BAHCC1: variants seen among roughly 807,000 people sequenced by gnomAD.
The protein encoded by BAHCC1 is BAH domain and coiled-coil containing 1, also known as BAH and coiled-coil domain-containing protein 1.
BAHCC1 carries 43 observed loss-of-function variants against 88.2 expected under a neutral mutation model. The observed-to-expected ratio is 0.49, with a 90% CI of 0.38 to 0.63. BAHCC1 has a LOEUF of 0.63. BAHCC1 is among the 20% of genes least tolerant of loss of function. BAHCC1 has a pLI of 0.00. For synonymous variants in BAHCC1, 1,510 were observed against 745.5 expected (o/e 2.03, Z -16.71); for missense variants, 3,023 against 1,654.8 (o/e 1.83, Z -14.34).
At chr17:81,397,773 G>C (rs2063761547) in intron 1 of BAHCC1, among the ~76,000 whole-genome samples, 1 of 152,226 alleles carries the variant, frequency 6.6e-6, no homozygotes, top group Non-Finnish European at 1.5e-5. Context: ...CCCGGGGAGA[G>C]AGCTGGCGAT....
At position 81,445,524 on chromosome 17, in the gene BAHCC1, C is replaced by A. The variant is rs188311269; in HGVS notation, c.3006C>A (p.Pro1002=). 1 of 732,334 alleles carries A rather than the reference C, an allele frequency of 1.4e-6. No individual in the cohort carries two copies. Among genetic ancestry groups the A allele is most frequent in the Non-Finnish European group, 2.5e-6 (1 of 395,298 alleles). 45.4% of individuals were successfully genotyped at this position (732,334 alleles called of 1,614,324 possible). A position where few individuals can be genotyped will look rare whatever the true frequency, so the allele number is the denominator to read the frequency against. The change falls in exon 10 of 28, where the codon CCC becomes CCA. Residue 1002 remains proline (P), a synonymous_variant. Transcript: ENST00000675386. ...PCCHPPDPKP[P]ASSPTPPPRP... ...GCCATCCGCCCGACCCAAAGCCCCC[C>A]GCCAGCTCCCCCACCCCACCACCTC... is the stretch of plus-strand genomic sequence containing the variant.
intron 4 of BAHCC1, among the ~76,000 whole-genome samples, chr17:81,439,567 T>G (rs1598483672): frequency 4.5e-5 from 6 of 133,556 alleles, no homozygotes; most frequent in Non-Finnish European, 6.4e-5. Context: ...TGGGGAGGGG[T>G]GGACTGGGAG....
chr17:81,414,798 C>T (rs1033622899), intron 2 of BAHCC1, among the ~76,000 whole-genome samples: 1 of 152,062 alleles, frequency 6.6e-6, no homozygotes, highest in Non-Finnish European at 1.5e-5. Context: ...AGGCTGGGGG[C>T]GGAGGCGGCA....
chr17:81,461,377 G>C lies in BAHCC1; in HGVS notation c.6714G>C (p.Gly2238=). The C allele has an allele frequency of 1.4e-6, 1 of 721,820 alleles. No homozygotes were observed. Among genetic ancestry groups the C allele is most frequent in the African/African-American group, 1.7e-5 (1 of 58,212 alleles). The allele number at this position is 721,820 out of a possible 1,614,324, so 44.7% of individuals were successfully genotyped here. Residue 2238 remains glycine, a synonymous_variant, in exon 26 of 28, where the codon GGG becomes GGC. Transcript: ENST00000675386. ...ACAAGGACTTCAGCCCCAAGCTCGG[G>C]CGGCCCCTGCCCAGCCCCAGCTATG... ...MGDKDFSPKL[G]RPLPSPSYVH...
chr17:81,460,473 G>C lies in BAHCC1; in HGVS notation c.6026-57G>C, dbSNP rs1710031158. The C allele has an allele frequency of 1.7e-5, 12 of 726,114 alleles. No individual in the cohort carries two copies. The South Asian group carries it at 1.8e-4, about 11-fold the overall frequency. The allele number at this position is 726,114 out of a possible 1,614,324, so 45.0% of individuals were successfully genotyped here. ...CAGACGGGCTCCCAAGGAAGGGTTGGGGTGGCAGTCACCCCACAGCCATGG... is the reference window on the plus strand; with the variant it reads ...CAGACGGGCTCCCAAGGAAGGGTTGCGGTGGCAGTCACCCCACAGCCATGG... On this transcript the variant is annotated intron_variant, in intron 24 of 27. Coordinates refer to ENST00000675386, the MANE Select transcript of BAHCC1 (RefSeq NM_001377448.1).
At chr17:81,396,882 G>T (rs988818312) in intron 1 of BAHCC1, 34 of 152,776 alleles carry the variant, frequency 2.2e-4, no homozygotes, top group African/African-American at 8.2e-4. Context: ...GCCACTTTTC[G>T]CTCCATTTCC....
In BAHCC1 at chr17:81,442,499, C is replaced by T; in HGVS notation, c.1150C>T (p.Pro384Ser). The T allele has an allele frequency of 1.4e-6, 1 of 719,798 alleles. No homozygotes were observed. The highest frequency in any genetic ancestry group is 2.6e-6 in the Non-Finnish European group (1 of 389,068). The allele number at this position is 719,798 out of a possible 1,614,324, so 44.6% of individuals were successfully genotyped here. Residue 384 changes from proline (P) to serine (S), a missense_variant, in exon 5 of 28, where the codon CCC becomes TCC. Coordinates refer to ENST00000675386, the MANE Select transcript of BAHCC1 (RefSeq NM_001377448.1). ...GCTCTGCCCGCTGCAGGACAAAGCC[C>T]CCCGGGACCTAAAGGCCAGCGGGCC... Reference protein sequence around the residue: ...DGLCPLQDKAPRDLKASGPTF... With the variant: ...DGLCPLQDKASRDLKASGPTF...
chr17:81,413,214 GC>G (rs1219963252), intron 2 of BAHCC1: 219 of 298,356 alleles, frequency 7.3e-4, no homozygotes, highest in East Asian at 9.9e-4. Context: ...TGCTGACCAT[GC>G]CCCCCCCGGG....
rs1392407492 is a variant in BAHCC1, at chr17:81,465,880, G to C, written c.*2063G>C. The C allele has an allele frequency of 4.6e-5, 7 of 152,706 alleles. No individual in the cohort carries two copies. In the South Asian group the frequency reaches 1.4e-3, roughly 32 times the overall value. 9.5% of individuals were successfully genotyped at this position (152,706 alleles called of 1,614,324 possible). A position where few individuals can be genotyped will look rare whatever the true frequency, so the allele number is the denominator to read the frequency against. ...TTCATTCCCGGTGGTTGTCTGGGGA[G>C]GTGGTTGGACGAGGTCCTGCTTGAG... On this transcript the variant is annotated 3_prime_UTR_variant, in exon 28 of 28. Coordinates refer to ENST00000675386, the MANE Select transcript of BAHCC1 (RefSeq NM_001377448.1).
intron 2 of BAHCC1, among the ~76,000 whole-genome samples, chr17:81,414,406 G>C (rs1555648297): frequency 6.6e-6 from 1 of 152,164 alleles, no homozygotes; most frequent in South Asian, 2.1e-4. Flanking sequence ...GGCGGAGCTC[G>C]GGCTGTGGGG....
Position 81,442,219 on chromosome 17 carries a change from C to T in BAHCC1, c.870C>T (p.Leu290=), listed in dbSNP as rs1555652698. 2 of 647,176 alleles carry T rather than the reference C, an allele frequency of 3.1e-6. No individual in the cohort carries two copies. The highest frequency in any genetic ancestry group is 2.5e-4 in the Middle Eastern group (1 of 3,930). 40.1% of individuals were successfully genotyped at this position (647,176 alleles called of 1,614,324 possible). A position where few individuals can be genotyped will look rare whatever the true frequency, so the allele number is the denominator to read the frequency against. Residue 290 remains leucine, a synonymous_variant, in exon 5 of 28, where the codon CTC becomes CTT. Transcript: ENST00000675386. ...CCTGCCTCCTCAACACCAAGGTGCTCAACGGCGAGATGGGCAGGGCTGCGC... is the reference window on the plus strand; with the variant it reads ...CCTGCCTCCTCAACACCAAGGTGCTTAACGGCGAGATGGGCAGGGCTGCGC... ...LTSCLLNTKV[L]NGEMGRAALA... is the part of the protein sequence containing the mutation.
chr17:81,449,883 C>T (rs1251055651), intron 11 of BAHCC1, among the ~76,000 whole-genome samples: 6 of 152,174 alleles, frequency 3.9e-5, no homozygotes, highest in Admixed American at 6.5e-5. Context: ...CCCTGGCCCT[C>T]CCCATACTTG....
intron 11 of BAHCC1, 106 bp from the exon 12 acceptor site, chr17:81,451,562 G>A (rs1294931592): frequency 2.2e-5 from 14 of 624,840 alleles, no homozygotes; most frequent in Admixed American, 4.9e-5. Flanking sequence ...CCCTCATCCC[G>A]GTCTTCAAGG....
In BAHCC1 at chr17:81,446,897, TTGCAGACC is replaced by T. The variant is rs1359440964; in HGVS notation, c.3164-133_3164-126del. On this transcript the variant is annotated intron_variant, in intron 10 of 27. Transcript: ENST00000675386. ...CGTAACCCTTTCCCCGCCACCAGTC[TTGCAGACC>T]TGCAGCTAGCCCAGGGCCCTTCCGC... The T allele has an allele frequency of 2.8e-5, 19 of 673,792 alleles. No homozygotes were observed. The African/African-American group carries it at 3.2e-4, about 11-fold the overall frequency. The allele number at this position is 673,792 out of a possible 1,614,324, so 41.7% of individuals were successfully genotyped here.
At position 81,447,692 on chromosome 17, in the gene BAHCC1, C is replaced by T; in HGVS notation, c.3820C>T (p.Pro1274Ser). 1.4e-6 allele frequency: 1 copy of T among 736,232 alleles called. No homozygotes were observed. The highest frequency in any genetic ancestry group is 2.5e-6 in the Non-Finnish European group (1 of 396,300). 45.6% of individuals were successfully genotyped at this position (736,232 alleles called of 1,614,324 possible). A position where few individuals can be genotyped will look rare whatever the true frequency, so the allele number is the denominator to read the frequency against. The part of the protein sequence containing the change: ...VAATINLGDL[P>S]SDSPPDPQPP... ...CGCCACCATCAACCTGGGGGACCTG[C>T]CCAGCGACAGCCCACCGGACCCTCA... Residue 1274 changes from proline to serine, a missense_variant, in exon 11 of 28, where the codon CCC becomes TCC. Pro to Ser is a moderately conservative substitution (Grantham distance 74). Coordinates refer to ENST00000675386, the MANE Select transcript of BAHCC1 (RefSeq NM_001377448.1).
At chr17:81,455,033 G>A (rs1295559044) in intron 14 of BAHCC1, among the ~76,000 whole-genome samples, 3 of 152,226 alleles carry the variant, frequency 2.0e-5, no homozygotes, top group Non-Finnish European at 4.4e-5. Context: ...AGGATATAGG[G>A]ACTGCTGAGG....
In BAHCC1 at chr17:81,442,212, A is replaced by T. The variant is rs1364410459; in HGVS notation, c.863A>T (p.Lys288Met). The T allele has an allele frequency of 1.5e-6, 1 of 653,020 alleles. No individual in the cohort carries two copies. The highest frequency in any genetic ancestry group is 2.8e-6 in the Non-Finnish European group (1 of 361,170). The allele number at this position is 653,020 out of a possible 1,614,324, so 40.5% of individuals were successfully genotyped here. ...KHLTSCLLNT[K>M]VLNGEMGRAA... is the part of the protein sequence containing the mutation. ...CTCACCTCCTGCCTCCTCAACACCA[A>T]GGTGCTCAACGGCGAGATGGGCAGG... Residue 288 changes from lysine (K) to methionine (M), a missense_variant, in exon 5 of 28, where the codon AAG becomes ATG. Transcript: ENST00000675386.
chr17:81,421,780 C>T (rs1262527038), intron 2 of BAHCC1, among the ~76,000 whole-genome samples: 6 of 152,196 alleles, frequency 3.9e-5, no homozygotes, highest in Admixed American at 1.3e-4. Context: ...CAGCAGCTGC[C>T]GCCAGAGCCA....
In BAHCC1 at chr17:81,443,423, A is replaced by G. The variant is rs782103730; in HGVS notation, c.2074A>G (p.Thr692Ala). 3 of 761,078 alleles carry G rather than the reference A, an allele frequency of 3.9e-6. No homozygotes were observed. The East Asian group carries it at 7.5e-5, about 19-fold the overall frequency. The allele number at this position is 761,078 out of a possible 1,614,324, so 47.1% of individuals were successfully genotyped here. The change falls in exon 5 of 28, where the codon ACG becomes GCG. Residue 692 changes from threonine to alanine, a missense_variant. Transcript: ENST00000675386. ...TGCCCGCAGCAGGGAGCACGACACC[A>G]CGCACGGCGACGGGGAGGTGCGGCA... ...DCARSREHDT[T>A]HGDGEVRQPP...
Sources: allele counts gnomAD v4.1 joint callset (sites outside exome capture counted in the v4.1 genomes callset), GRCh38; gene constraint gnomAD v4.1.1; transcripts MANE v1.5; gene names NCBI Gene and HGNC (gene_info 2026-07-23, HGNC 2026-07-21).